Variants in SLC25A13 observed in about 807,000 individuals in gnomAD.
SLC25A13 encodes electrogenic aspartate/glutamate antiporter SLC25A13, mitochondrial.
In SLC25A13, 70 loss-of-function variants were observed where a neutral mutation model predicts 85.5. The observed-to-expected ratio is 0.82, with a 90% CI of 0.68 to 1.00. The LOEUF is 1.00. SLC25A13 is among the 50% of genes least tolerant of loss of function. SLC25A13 has a pLI of 0.00. For missense variants in SLC25A13, 765 were observed against 819.8 expected (o/e 0.93, Z 0.82); for synonymous variants, 259 against 288.7 (o/e 0.90, Z 1.04).
chr7:96,211,792 C>T (rs185846554), intron 4 of SLC25A13, among the ~76,000 whole-genome samples: 17 of 152,296 alleles, frequency 1.1e-4, no homozygotes, highest in Middle Eastern at 3.4e-3. Context: ...CATTTCTCAC[C>T]ACTTCAGTGC....
intron 11 of SLC25A13, among the ~76,000 whole-genome samples, chr7:96,174,129 C>T (rs1254805449): frequency 1.3e-5 from 2 of 152,178 alleles, no homozygotes; most frequent in East Asian, 3.9e-4. Context: ...CAGGTGGGAG[C>T]GCCTGTCCCC....
intron 15 of SLC25A13, among the ~76,000 whole-genome samples, chr7:96,128,937 T>TCTCTCTC (rs1366430593): frequency 1.5e-5 from 2 of 136,952 alleles, no homozygotes; most frequent in African/African-American, 3.0e-5. Context: ...TCTGCCTTGC[T>TCTCTCTC]TGCTCTCTCT....
rs918547530 is a variant in SLC25A13, at chr7:96,184,375, C to T, written c.1079G>A (p.Arg360Gln). Residue 360 changes from arginine to glutamine, a missense_variant, in exon 11 of 18, where the codon CGA (arginine) becomes CAA (glutamine). Arg to Gln is a conservative substitution (Grantham distance 43). Transcript: ENST00000265631. ...DLVKTRMQNQ[R>Q]STGSFVGELM... is the part of the protein sequence containing the mutation. Reference sequence around the variant, plus strand: ...TTCTCCCACAAAAGAGCCAGTTGATCGTTGGTTCTGCATTCGAGTTTTTAC... The same window carrying T: ...TTCTCCCACAAAAGAGCCAGTTGATTGTTGGTTCTGCATTCGAGTTTTTAC... 22 of 1,613,986 alleles carry T rather than the reference C, an allele frequency of 1.4e-5. No homozygotes were observed. The highest frequency in any genetic ancestry group is 9.3e-5 in the African/African-American group (7 of 74,922).
intron 2 of SLC25A13, among the ~76,000 whole-genome samples, chr7:96,288,343 C>T (rs1015521942): frequency 1.3e-5 from 2 of 152,198 alleles, no homozygotes; most frequent in East Asian, 1.9e-4. Flanking sequence ...CCAGCGTGAG[C>T]GATGCAGAAG....
At chr7:96,245,179 T>C (rs1197012543) in intron 3 of SLC25A13, among the ~76,000 whole-genome samples, 1 of 152,226 alleles carries the variant, frequency 6.6e-6, no homozygotes, top group Non-Finnish European at 1.5e-5. Context: ...TTGACAGGTA[T>C]GATTCATCCC....
chr7:96,298,965 A>G (rs1799453486), intron 1 of SLC25A13, among the ~76,000 whole-genome samples: 2 of 152,174 alleles, frequency 1.3e-5, no homozygotes, highest in South Asian at 2.1e-4. Flanking sequence ...AAGAGCAGAA[A>G]AATCTCCTCC....
intron 1 of SLC25A13, among the ~76,000 whole-genome samples, chr7:96,321,601 G>A (rs1293683721): frequency 6.6e-6 from 1 of 152,178 alleles, no homozygotes; most frequent in African/African-American, 2.4e-5. Flanking sequence ...AGGACCCCCA[G>A]CGCTTGCCGG....
intron 3 of SLC25A13, among the ~76,000 whole-genome samples, chr7:96,265,002 TCA>T (rs1344888290): frequency 1.3e-5 from 2 of 152,256 alleles, no homozygotes; most frequent in African/African-American, 4.8e-5. Context: ...GATTTCAGCC[TCA>T]CACAGATTCA....
At chr7:96,243,948 G>T (rs1187235714) in intron 3 of SLC25A13, among the ~76,000 whole-genome samples, 1 of 152,086 alleles carries the variant, frequency 6.6e-6, no homozygotes, top group African/African-American at 2.4e-5. Flanking sequence ...GATGTGACTC[G>T]CCTCAGAGTT....
intron 11 of SLC25A13, among the ~76,000 whole-genome samples, chr7:96,178,097 G>T (rs1794294132): frequency 6.6e-6 from 1 of 152,146 alleles, no homozygotes; most frequent in Non-Finnish European, 1.5e-5. Context: ...TCTACAGATG[G>T]TGAATATTAG....
chr7:96,197,160 G>A (rs1203418081), intron 5 of SLC25A13, among the ~76,000 whole-genome samples: 2 of 152,136 alleles, frequency 1.3e-5, no homozygotes, highest in Non-Finnish European at 2.9e-5. Flanking sequence ...CTCAGACAAA[G>A]CTACTGTCAG....
At chr7:96,204,940 G>A (rs959493765) in intron 5 of SLC25A13, among the ~76,000 whole-genome samples, 1 of 152,148 alleles carries the variant, frequency 6.6e-6, no homozygotes, top group African/African-American at 2.4e-5. Context: ...ACAGGGTCTT[G>A]CTCTGTTGCT....
chr7:96,172,315 T>C (rs1000782415), intron 11 of SLC25A13, among the ~76,000 whole-genome samples: 4 of 152,102 alleles, frequency 2.6e-5, no homozygotes, highest in Admixed American at 1.3e-4. Flanking sequence ...CCCAACACTT[T>C]GGGAGGCTGA....
In SLC25A13 at chr7:96,322,084, G is replaced by A; in HGVS notation, c.-128C>T. 7.7e-7 allele frequency: 1 copy of A among 1,299,304 alleles called. No individual in the cohort carries two copies. The highest frequency in any genetic ancestry group is 1.1e-6 in the Non-Finnish European group (1 of 940,262). The allele number at this position is 1,299,304 out of a possible 1,614,324, so 80.5% of individuals were successfully genotyped here. A position where few individuals can be genotyped will look rare whatever the true frequency, so the allele number is the denominator to read the frequency against. On this transcript the variant is annotated 5_prime_UTR_variant, in exon 1 of 18. It adds an upstream start codon to the 5' untranslated region. Transcript: ENST00000265631. ...GCGGCGATACGGCCAGGCAGCGTGC[G>A]TTCCTGGCCTGCCTCCCCACGCCCT...
chr7:96,314,102 A>G, intron 1 of SLC25A13, among the ~76,000 whole-genome samples: 1 of 152,054 alleles, frequency 6.6e-6, no homozygotes, highest in Non-Finnish European at 1.5e-5. Context: ...AGAAGAAGGA[A>G]GGAGAAGGAG....
chr7:96,286,470 A>C (rs903819854), intron 2 of SLC25A13, among the ~76,000 whole-genome samples: 2 of 152,094 alleles, frequency 1.3e-5, no homozygotes, highest in South Asian at 4.1e-4. Context: ...TTGCCTAAAA[A>C]GGTCTTCCAT....
chr7:96,292,950 A>G (rs927571919), intron 2 of SLC25A13, among the ~76,000 whole-genome samples: 1 of 152,226 alleles, frequency 6.6e-6, no homozygotes, highest in African/African-American at 2.4e-5. Flanking sequence ...ATATGGAACC[A>G]AAAAAGAGCC....
intron 3 of SLC25A13, among the ~76,000 whole-genome samples, chr7:96,250,937 T>G (rs952507874): frequency 2.6e-5 from 4 of 152,026 alleles, no homozygotes; most frequent in African/African-American, 7.2e-5. Context: ...ACTTATGGAG[T>G]GCTACTATGT....
At chr7:96,313,790 C>T (rs1257028922) in intron 1 of SLC25A13, among the ~76,000 whole-genome samples, 1 of 151,566 alleles carries the variant, frequency 6.6e-6, no homozygotes, top group African/African-American at 2.4e-5. Context: ...TTAAAATGTA[C>T]ATTTAAAAAA....
Sources: gnomAD v4.1 joint callset for allele counts (sites outside exome capture counted in the v4.1 genomes callset) on GRCh38, gnomAD v4.1.1 for gene constraint, MANE v1.5 for transcripts, NCBI Gene and HGNC (gene_info 2026-07-23, HGNC 2026-07-21) for gene names.